Variants in CNTNAP5 observed in about 807,000 individuals in gnomAD.
The protein encoded by CNTNAP5 is contactin associated protein family member 5.
In CNTNAP5, 72 loss-of-function variants were observed where a neutral mutation model predicts 150.2. The observed-to-expected ratio is 0.48, with a 90% CI of 0.40 to 0.58. The LOEUF is 0.58. CNTNAP5 is among the 20% of genes least tolerant of loss of function. CNTNAP5 has a pLI of 0.00. For missense variants in CNTNAP5, 1,636 were observed against 1,626.2 expected (o/e 1.01, Z -0.10); for synonymous variants, 672 against 619.8 (o/e 1.08, Z -1.25).
intron 1 of CNTNAP5, among the ~76,000 whole-genome samples, chr2:124,091,638 G>A (rs556413334): frequency 6.6e-6 from 1 of 152,228 alleles, no homozygotes; most frequent in South Asian, 2.1e-4. Context: ...TTTTCAAAAG[G>A]AAAAGAAAGC....
chr2:124,497,167 A>G (rs988794420), intron 7 of CNTNAP5, among the ~76,000 whole-genome samples: 1 of 152,144 alleles, frequency 6.6e-6, no homozygotes, highest in African/African-American at 2.4e-5. Context: ...AGCAGCCAAC[A>G]ACTTTCTGGA....
chr2:124,615,255 T>C (rs1211925890), intron 12 of CNTNAP5, among the ~76,000 whole-genome samples: 4 of 152,376 alleles, frequency 2.6e-5, no homozygotes, highest in African/African-American at 9.6e-5. Context: ...TGTGTAATTT[T>C]GTTTGATAGC....
intron 7 of CNTNAP5, among the ~76,000 whole-genome samples, chr2:124,485,612 CAAAAA>C (rs576700912): frequency 3.8e-5 from 2 of 52,396 alleles, no homozygotes; most frequent in Admixed American, 2.7e-4. Context: ...GACTCTGTCT[CAAAAA>C]AAAAAAAAAA....
chr2:124,565,750 C>A (rs939157628), intron 11 of CNTNAP5, among the ~76,000 whole-genome samples: 62 of 151,954 alleles, frequency 4.1e-4, no homozygotes, highest in Middle Eastern at 3.4e-3. Context: ...CAGGTGCCCA[C>A]CACCACGCCC....
chr2:124,032,744 T>C (rs914332689), intron 1 of CNTNAP5, among the ~76,000 whole-genome samples: 57 of 152,186 alleles, frequency 3.7e-4, no homozygotes, highest in African/African-American at 1.3e-3. Context: ...ATGAGAGGGA[T>C]AGATGCTAGA....
At chr2:124,654,753 T>C (rs1343815031) in intron 13 of CNTNAP5, among the ~76,000 whole-genome samples, 1 of 151,936 alleles carries the variant, frequency 6.6e-6, no homozygotes, top group Non-Finnish European at 1.5e-5. Context: ...TTCTTTGTCC[T>C]TCCTTCTTTC....
chr2:124,816,753 C>T (rs541940053), intron 19 of CNTNAP5, among the ~76,000 whole-genome samples: 6 of 152,144 alleles, frequency 3.9e-5, no homozygotes, highest in Non-Finnish European at 8.8e-5. Flanking sequence ...GCCAGGATTA[C>T]AAGCATGAGC....
At chr2:124,392,934 G>A (rs2104750367) in intron 3 of CNTNAP5, among the ~76,000 whole-genome samples, 1 of 152,296 alleles carries the variant, frequency 6.6e-6, no homozygotes, top group Admixed American at 6.5e-5. Context: ...AATGAAGTCT[G>A]ATGTGGACCA....
chr2:124,438,582 G>A (rs1692594961), intron 5 of CNTNAP5, among the ~76,000 whole-genome samples: 1 of 152,144 alleles, frequency 6.6e-6, no homozygotes, highest in African/African-American at 2.4e-5. Flanking sequence ...TGGGGGCCGA[G>A]TACAGGGTTC....
At chr2:124,587,102 G>A (rs963851837) in intron 11 of CNTNAP5, among the ~76,000 whole-genome samples, 20 of 152,116 alleles carry the variant, frequency 1.3e-4, no homozygotes, top group Admixed American at 6.5e-5. Flanking sequence ...AGGCACTATA[G>A]GATCAAATGG....
intron 11 of CNTNAP5, among the ~76,000 whole-genome samples, chr2:124,589,671 C>T (rs1384747788): frequency 3.9e-5 from 6 of 152,074 alleles, no homozygotes; most frequent in East Asian, 1.9e-4. Context: ...TAATATCTTA[C>T]GTATTTATGG....
chr2:124,685,455 T>C (rs1207830045), intron 13 of CNTNAP5, among the ~76,000 whole-genome samples: 2 of 89,916 alleles, frequency 2.2e-5, no homozygotes, highest in Admixed American at 9.3e-5. Context: ...TTGTAGGTTA[T>C]GCATCTGAGT....
chr2:124,064,328 T>C (rs1201697856), intron 1 of CNTNAP5, among the ~76,000 whole-genome samples: 2 of 152,148 alleles, frequency 1.3e-5, no homozygotes, highest in Admixed American at 6.6e-5. Context: ...GTTCCCATAG[T>C]TTGTTTTTCA....
intron 1 of CNTNAP5, among the ~76,000 whole-genome samples, chr2:124,134,661 G>A (rs1170610989): frequency 5.3e-5 from 8 of 152,098 alleles, no homozygotes; most frequent in Non-Finnish European, 1.0e-4. Flanking sequence ...TGAAATGAAA[G>A]ACACACAAAT....
intron 13 of CNTNAP5, among the ~76,000 whole-genome samples, chr2:124,720,524 A>C (rs115714386): frequency 0.045 from 6,818 of 152,210 alleles, 540 homozygotes; most frequent in African/African-American, 0.16. Context: ...TTTGCATCCC[A>C]AGAAAAAAAA....
intron 3 of CNTNAP5, among the ~76,000 whole-genome samples, chr2:124,246,197 T>A (rs1687020208): frequency 6.6e-6 from 1 of 152,142 alleles, no homozygotes. Flanking sequence ...ACTGAAGAGA[T>A]TTATTACATT....
intron 1 of CNTNAP5, among the ~76,000 whole-genome samples, chr2:124,176,949 A>G (rs2104673343): frequency 6.7e-6 from 1 of 149,138 alleles, no homozygotes; most frequent in East Asian, 2.0e-4. Flanking sequence ...GGTTCAAGCA[A>G]TTATCTTGCC....
At chr2:124,744,095 G>T (rs988928354) in intron 13 of CNTNAP5, among the ~76,000 whole-genome samples, 1 of 152,144 alleles carries the variant, frequency 6.6e-6, no homozygotes, top group Non-Finnish European at 1.5e-5. Context: ...GGGTTTGGCT[G>T]TGTCCCCACC....
chr2:124,560,993 C>T (rs932609369), intron 10 of CNTNAP5, among the ~76,000 whole-genome samples: 3 of 151,936 alleles, frequency 2.0e-5, no homozygotes, highest in Non-Finnish European at 2.9e-5. Flanking sequence ...ACAGAATAAG[C>T]ACCTATTGAG....
Sources: gnomAD v4.1 joint callset for allele counts (sites outside exome capture counted in the v4.1 genomes callset) on GRCh38, gnomAD v4.1.1 for gene constraint, MANE v1.5 for transcripts, NCBI Gene and HGNC (gene_info 2026-07-23, HGNC 2026-07-21) for gene names.